PAK5: variants seen among roughly 807,000 people sequenced by gnomAD.
The protein encoded by PAK5 is serine/threonine-protein kinase PAK 5.
In PAK5, 16 loss-of-function variants were observed where a neutral mutation model predicts 65.9. The observed-to-expected ratio is 0.24, with a 90% CI of 0.16 to 0.37. PAK5 has a LOEUF of 0.37. Among genes scored for constraint, PAK5 ranks in the 10% least tolerant of loss-of-function variants. The pLI is 1.00. For missense variants in PAK5, 785 were observed against 903.9 expected (o/e 0.87, Z 1.69); for synonymous variants, 371 against 354.9 (o/e 1.05, Z -0.51).
chr20:9,569,975 G>A (rs1603218005), intron 4 of PAK5, among the ~76,000 whole-genome samples: 1 of 149,120 alleles, frequency 6.7e-6, no homozygotes. Flanking sequence ...TGCTTTTGAC[G>A]GGCATAGGAA....
chr20:9,586,496 A>C (rs1313244980), intron 3 of PAK5, among the ~76,000 whole-genome samples: 3 of 152,188 alleles, frequency 2.0e-5, no homozygotes, highest in Admixed American at 6.6e-5. Context: ...AGATGGATAA[A>C]AAACAGAACT....
Position 9,676,461 on chromosome 20 carries a change from A to G in PAK5, c.-11-32122T>C, listed in dbSNP as rs538069201. On this transcript the variant is annotated intron_variant, in intron 2 of 9. Transcript: ENST00000353224. ...AATTACAATTTCTACAGAAAGAAAA[A>G]TAAGAGAGAGTTTAGTAGGATCCTA... is the stretch of plus-strand genomic sequence containing the variant. 7.6e-4 allele frequency among the ~76,000 whole-genome samples: 116 copies of G among 152,350 alleles called. 1 individual carries two copies. The highest frequency in any genetic ancestry group is 2.7e-3 in the African/African-American group (113 of 41,582).
rs1158281805 is a variant in PAK5 at position 9,537,535 on chromosome 20, C to T, written c.*1927G>A. On this transcript the variant is annotated 3_prime_UTR_variant, in exon 10 of 10. Transcript: ENST00000353224. The stretch of plus-strand genomic sequence containing the variant: ...TGGTAAGAAAATTACAGAAAAATTT[C>T]CATTACACTGTCGAAAATGTTTGGA... The T allele has an allele frequency of 4.8e-6, 1 of 209,500 alleles. No individual in the cohort carries two copies. The highest frequency in any genetic ancestry group is 7.2e-5 in the East Asian group (1 of 13,892). 13.0% of individuals were successfully genotyped at this position (209,500 alleles called of 1,614,324 possible). A position where few individuals can be genotyped will look rare whatever the true frequency, so the allele number is the denominator to read the frequency against.
intron 1 of PAK5, among the ~76,000 whole-genome samples, chr20:9,718,719 G>A (rs1415548322): frequency 6.6e-6 from 1 of 152,114 alleles, no homozygotes; most frequent in Non-Finnish European, 1.5e-5. Context: ...TACTAGGATA[G>A]AACCTTTCCA....
At chr20:9,596,635 C>CAA (rs35576059) in intron 3 of PAK5, among the ~76,000 whole-genome samples, 1,379 of 51,918 alleles carry the variant, frequency 0.027, 80 homozygotes, top group African/African-American at 0.029. Context: ...GACTCCGTCT[C>CAA]AAAAAAAAAA....
intron 1 of PAK5, among the ~76,000 whole-genome samples, chr20:9,722,720 A>G (rs1012759610): frequency 6.6e-6 from 1 of 152,152 alleles, no homozygotes; most frequent in African/African-American, 2.4e-5. Context: ...TTTTATTGTA[A>G]GTCCCAATAG....
intron 7 of PAK5, among the ~76,000 whole-genome samples, chr20:9,552,532 T>G (rs1247992822): frequency 6.6e-6 from 1 of 152,092 alleles, no homozygotes; most frequent in Non-Finnish European, 1.5e-5. Flanking sequence ...AACACCACAT[T>G]CTCCCTTCTT....
In PAK5 at chr20:9,566,371, C is replaced by G. The variant is rs11700112; in HGVS notation, c.1004G>C (p.Arg335Pro). 160,377 of 1,612,162 alleles carry G rather than the reference C, an allele frequency of 0.099. 9,698 individuals are homozygous for G. Among genetic ancestry groups the G allele is most frequent in the East Asian group, 0.25 (11,242 of 44,814 alleles). Residue 335 changes from arginine to proline, a missense_variant, in exon 5 of 10, where the codon CGA (arginine) becomes CCA (proline). Coordinates refer to ENST00000353224, the MANE Select transcript of PAK5 (RefSeq NM_177990.4). ...TMCIPKVDYD[R>P]AQMVLSPPLS... ...TGGAGGGCTGAGGACCATCTGTGCT[C>G]GATCGTAATCCACCTGGGAAGACAG...
Position 9,580,457 on chromosome 20 carries a change from G to A in PAK5, c.678C>T (p.Ser226=). Residue 226 remains serine, a synonymous_variant, in exon 4 of 10, where the codon TCC becomes TCT. Coordinates refer to ENST00000353224, the MANE Select transcript of PAK5 (RefSeq NM_177990.4). ...TGAATTGGAATGAATAATCCAGAGG[G>A]GAGCTACTCGAGGCTCTCTGATACT... The part of the protein sequence containing the change: ...KWEYQRASSS[S]PLDYSFQFTP... 6.2e-7 allele frequency: 1 copy of A among 1,614,042 alleles called. No homozygotes were observed. The highest frequency in any genetic ancestry group is 8.5e-7 in the Non-Finnish European group (1 of 1,180,000).
chr20:9,786,607 AC>A (rs532786207), intron 1 of PAK5, among the ~76,000 whole-genome samples: 169 of 152,160 alleles, frequency 1.1e-3, no homozygotes, highest in African/African-American at 3.7e-3. Flanking sequence ...TTAAGAAGAA[AC>A]TGAAAGTTAT....
At chr20:9,568,093 G>A (rs1273131246) in intron 4 of PAK5, among the ~76,000 whole-genome samples, 1 of 152,166 alleles carries the variant, frequency 6.6e-6, no homozygotes, top group Non-Finnish European at 1.5e-5. Flanking sequence ...AAGCTGCCGG[G>A]GGACAGATCA....
chr20:9,640,944 G>C (rs2047050289), intron 3 of PAK5, among the ~76,000 whole-genome samples: 2 of 152,190 alleles, frequency 1.3e-5, no homozygotes, highest in Middle Eastern at 3.2e-3. Context: ...AAAGAACAAA[G>C]CTTCCACAGT....
chr20:9,719,176 A>C (rs1043198905), intron 1 of PAK5, among the ~76,000 whole-genome samples: 2 of 152,282 alleles, frequency 1.3e-5, no homozygotes, highest in East Asian at 3.9e-4. Flanking sequence ...AGAAAACCTA[A>C]CCCACTCACA....
intron 2 of PAK5, among the ~76,000 whole-genome samples, chr20:9,663,317 G>A (rs1047604582): frequency 1.3e-5 from 2 of 152,124 alleles, no homozygotes; most frequent in Non-Finnish European, 1.5e-5. Context: ...CATCGAGGAA[G>A]GAAATATTGC....
At chr20:9,636,093 T>C (rs1039851028) in intron 3 of PAK5, among the ~76,000 whole-genome samples, 4 of 152,172 alleles carry the variant, frequency 2.6e-5, no homozygotes, top group African/African-American at 4.8e-5. Flanking sequence ...TGGGGAAAAC[T>C]GTTACCTTAG....
chr20:9,681,130 G>C (rs1382451567), intron 2 of PAK5, among the ~76,000 whole-genome samples: 2 of 152,148 alleles, frequency 1.3e-5, no homozygotes, highest in African/African-American at 4.8e-5. Flanking sequence ...CTTCAATAAA[G>C]TATAATACAT....
chr20:9,564,656 A>G (rs1463291122), intron 5 of PAK5, among the ~76,000 whole-genome samples: 1 of 152,150 alleles, frequency 6.6e-6, no homozygotes, highest in Non-Finnish European at 1.5e-5. Flanking sequence ...AAAAAAGTAC[A>G]TATCATTTGA....
intron 1 of PAK5, among the ~76,000 whole-genome samples, chr20:9,778,743 G>T (rs79850480): frequency 0.024 from 3,693 of 152,192 alleles, 94 homozygotes; most frequent in Non-Finnish European, 0.033. Context: ...TATTCCTGTG[G>T]CTAGACCATA....
chr20:9,836,558 A>G (rs1979165237), intron 1 of PAK5, among the ~76,000 whole-genome samples: 1 of 152,200 alleles, frequency 6.6e-6, no homozygotes, highest in South Asian at 2.1e-4. Context: ...TGGAGGGTGC[A>G]TGGCCCTGAC....
Sources: allele counts gnomAD v4.1 joint callset (sites outside exome capture counted in the v4.1 genomes callset), GRCh38; gene constraint gnomAD v4.1.1; transcripts MANE v1.5; gene names NCBI Gene and HGNC (gene_info 2026-07-23, HGNC 2026-07-21).